Variants in TACR1 observed in about 807,000 individuals in gnomAD.
TACR1 encodes the protein tachykinin receptor 1.
In TACR1, 25 loss-of-function variants were observed where a neutral mutation model predicts 35.8. That is an observed-to-expected ratio of 0.70 (90% CI 0.51 to 0.98). The LOEUF is 0.98. TACR1 is among the 50% of genes least tolerant of loss of function. The pLI is 0.00. For missense variants in TACR1, 478 were observed against 522.9 expected, an observed-to-expected ratio of 0.91 and a Z score of 0.84; for synonymous variants, 195 against 206.7, an observed-to-expected ratio of 0.94 and a Z score of 0.48.
At chr2:75,157,223 G>T (rs886356697) in intron 1 of TACR1, among the ~76,000 whole-genome samples, 1 of 152,056 alleles carries the variant, frequency 6.6e-6, no homozygotes, top group Non-Finnish European at 1.5e-5. Context: ...CTGAGACTTG[G>T]AGGAAAGCTA....
At chr2:75,112,710 TCAA>T (rs1673775309) in intron 2 of TACR1, among the ~76,000 whole-genome samples, 1 of 152,168 alleles carries the variant, frequency 6.6e-6, no homozygotes, top group Non-Finnish European at 1.5e-5. Flanking sequence ...ACTTTTTTCT[TCAA>T]CACTACATTT....
chr2:75,176,251 T>C (rs1675416252), intron 1 of TACR1, among the ~76,000 whole-genome samples: 1 of 152,082 alleles, frequency 6.6e-6, no homozygotes, highest in Non-Finnish European at 1.5e-5. Flanking sequence ...TTGATTTTTT[T>C]CCTTGAAATT....
At chr2:75,062,620 CATATTCAA>C (rs1672692436) in intron 2 of TACR1, among the ~76,000 whole-genome samples, 2 of 152,190 alleles carry the variant, frequency 1.3e-5, no homozygotes, top group South Asian at 4.1e-4. Flanking sequence ...CTTTAATTAA[CATATTCAA>C]ATATGTGTTG....
At chr2:75,094,859 A>ATATATATATATATTTTTTTTTTTTT in intron 2 of TACR1, among the ~76,000 whole-genome samples, 1 of 113,134 alleles carries the variant, frequency 8.8e-6, no homozygotes, top group Admixed American at 8.5e-5. Context: ...ATATATATAT[A>ATATATATATATATTTTTTTTTTTTT]TTTTTTTTTT....
At chr2:75,116,760 A>G (rs1356991514) in intron 2 of TACR1, among the ~76,000 whole-genome samples, 2 of 152,118 alleles carry the variant, frequency 1.3e-5, no homozygotes, top group African/African-American at 4.8e-5. Flanking sequence ...AATACAAAAA[A>G]TTAGCTGGGC....
At chr2:75,080,175 A>G (rs374011623) in intron 2 of TACR1, among the ~76,000 whole-genome samples, 2 of 152,316 alleles carry the variant, frequency 1.3e-5, no homozygotes, top group East Asian at 3.9e-4. Context: ...TGGTGTAAAT[A>G]TTTAAAAGAG....
At chr2:75,174,546 A>G (rs559233627) in intron 1 of TACR1, among the ~76,000 whole-genome samples, 2 of 152,306 alleles carry the variant, frequency 1.3e-5, no homozygotes, top group South Asian at 4.1e-4. Context: ...TGAATTGTTT[A>G]TTTGTAAAAT....
chr2:75,149,823 T>A (rs1352728601), intron 1 of TACR1, among the ~76,000 whole-genome samples: 1 of 152,220 alleles, frequency 6.6e-6, no homozygotes, highest in Non-Finnish European at 1.5e-5. Flanking sequence ...GTGCCGGTTT[T>A]CAAAGGGAAT....
intron 1 of TACR1, among the ~76,000 whole-genome samples, chr2:75,144,794 T>G (rs1674471668): frequency 6.6e-6 from 1 of 152,202 alleles, no homozygotes; most frequent in Non-Finnish European, 1.5e-5. Flanking sequence ...ATTTTAAATT[T>G]CAAATTTTTA....
At chr2:75,065,256 C>G (rs1672741761) in intron 2 of TACR1, among the ~76,000 whole-genome samples, 1 of 152,256 alleles carries the variant, frequency 6.6e-6, no homozygotes, top group Non-Finnish European at 1.5e-5. Context: ...CACCTCCCAA[C>G]CCCTACATTC....
intron 2 of TACR1, among the ~76,000 whole-genome samples, chr2:75,081,912 T>TGA (rs1558546485): frequency 9.3e-5 from 14 of 150,808 alleles, no homozygotes; most frequent in African/African-American, 2.7e-4. Flanking sequence ...TTTTTTTTTT[T>TGA]AAATATATAT....
In TACR1 at chr2:75,049,469, G is replaced by A. The variant is rs1469600968; in HGVS notation, c.1187C>T (p.Thr396Ile). 6.2e-7 allele frequency: 1 copy of A among 1,614,166 alleles called. No homozygotes were observed. The highest frequency in any genetic ancestry group is 1.7e-5 in the Admixed American group (1 of 60,036). Residue 396 changes from threonine (T) to isoleucine (I), a missense_variant, in exon 5 of 5, where the codon ACA (threonine) becomes ATA (isoleucine). Transcript: ENST00000305249. ...ATTGGAGGAGAAGCTGAAGCTCTCT[G>A]TCATGGTCTTGGAGTCACTTCGTGA... is the stretch of plus-strand genomic sequence containing the variant. ...CSSRSDSKTM[T>I]ESFSFSSNVL...
At chr2:75,067,059 G>A (rs112096251) in intron 2 of TACR1, among the ~76,000 whole-genome samples, 13 of 152,346 alleles carry the variant, frequency 8.5e-5, no homozygotes, top group African/African-American at 3.1e-4. Flanking sequence ...GATTGGATGA[G>A]GGAGAGGAGG....
At chr2:75,098,912 C>CTTT (rs201792078) in intron 2 of TACR1, among the ~76,000 whole-genome samples, 1 of 144,754 alleles carries the variant, frequency 6.9e-6, no homozygotes, top group African/African-American at 2.5e-5. Flanking sequence ...CAAATTAAGG[C>CTTT]TTTTTTTTTT....
At chr2:75,183,407 A>C (rs1430040331) in intron 1 of TACR1, among the ~76,000 whole-genome samples, 1 of 152,206 alleles carries the variant, frequency 6.6e-6, no homozygotes, top group Non-Finnish European at 1.5e-5. Flanking sequence ...AAAAAGGTTA[A>C]TTATTGAGAT....
chr2:75,120,319 G>T (rs1470131354), intron 2 of TACR1, among the ~76,000 whole-genome samples: 1 of 152,088 alleles, frequency 6.6e-6, no homozygotes, highest in Non-Finnish European at 1.5e-5. Context: ...GAGGGATATG[G>T]CTCTGCTATA....
chr2:75,193,324 G>C (rs1307774734), intron 1 of TACR1, among the ~76,000 whole-genome samples: 1 of 152,200 alleles, frequency 6.6e-6, no homozygotes, highest in Non-Finnish European at 1.5e-5. Context: ...ATGGACGGAT[G>C]GATGAGGAAA....
chr2:75,121,101 T>A (rs1216480800), intron 1 of TACR1, among the ~76,000 whole-genome samples: 1 of 152,150 alleles, frequency 6.6e-6, no homozygotes, highest in Admixed American at 6.5e-5. Context: ...ATAAGAACAA[T>A]GTTGTAAATT....
chr2:75,172,884 C>T (rs1315054760), intron 1 of TACR1, among the ~76,000 whole-genome samples: 2 of 152,132 alleles, frequency 1.3e-5, no homozygotes, highest in African/African-American at 4.8e-5. Context: ...CACCTTCTCC[C>T]CGTATCTCTT....
Sources: gnomAD v4.1 joint callset for allele counts (sites outside exome capture counted in the v4.1 genomes callset) on GRCh38, gnomAD v4.1.1 for gene constraint, MANE v1.5 for transcripts, NCBI Gene and HGNC (gene_info 2026-07-23, HGNC 2026-07-21) for gene names.